Variants in ARID4B observed in about 807,000 individuals in gnomAD.
The protein encoded by ARID4B is AT-rich interaction domain 4B, also known as AT-rich interactive domain-containing protein 4B.
A neutral mutation model predicts 147.5 loss-of-function variants in ARID4B; 26 were observed. The observed-to-expected ratio is 0.18, with a 90% CI of 0.13 to 0.24. ARID4B has a LOEUF of 0.24. Among genes scored for constraint, ARID4B ranks in the 10% least tolerant of loss-of-function variants. The pLI, the probability that ARID4B is intolerant of heterozygous loss-of-function variation, is 1.00. For synonymous variants in ARID4B, 512 were observed against 507.9 expected (o/e 1.01, Z -0.11); for missense variants, 1,179 against 1,511.5 (o/e 0.78, Z 3.65).
At chr1:235,193,047 T>C (rs570482491) in intron 19 of ARID4B, among the ~76,000 whole-genome samples, 78 of 151,896 alleles carry the variant, frequency 5.1e-4, no homozygotes, top group Non-Finnish European at 1.0e-3. Flanking sequence ...TGAGCTGAGA[T>C]TGCGCCACTG....
intron 2 of ARID4B, among the ~76,000 whole-genome samples, chr1:235,309,848 G>A (rs1400947942): frequency 6.6e-6 from 1 of 152,210 alleles, no homozygotes; most frequent in African/African-American, 2.4e-5. Flanking sequence ...CTTCGGCCTT[G>A]GGATCCTGTT....
At position 235,176,437 on chromosome 1, in the gene ARID4B, CAAAAAAAA is replaced by C. The variant is rs34808765; in HGVS notation, c.3449-1046_3449-1039del. Reference sequence around the variant, plus strand: ...CTGATTTTTCACTTAACAACATCACCAAAAAAAAAAAAAAAAAAAAAAAAAAAAAAAGG... The same window carrying C: ...CTGATTTTTCACTTAACAACATCACCAAAAAAAAAAAAAAAAAAAAAAAGG... On this transcript the variant is annotated intron_variant, in intron 21 of 23. Transcript: ENST00000264183. Among the ~76,000 whole-genome samples, 202 of 22,490 alleles carry C rather than the reference CAAAAAAAA, an allele frequency of 9.0e-3. 1 individual carries two copies. The highest frequency in any genetic ancestry group is 0.091 in the Middle Eastern group (2 of 22). 14.8% of individuals were successfully genotyped at this position (22,490 alleles called of 152,430 possible).
intron 2 of ARID4B, among the ~76,000 whole-genome samples, chr1:235,274,190 T>C (rs901140521): frequency 2.0e-5 from 3 of 151,008 alleles, no homozygotes; most frequent in Non-Finnish European, 3.0e-5. Flanking sequence ...CTGGGCAACA[T>C]GGTGAAATAC....
intron 21 of ARID4B, chr1:235,176,626 C>T: frequency 3.9e-6 from 1 of 254,054 alleles, no homozygotes; most frequent in South Asian, 4.5e-5. Context: ...TCTGGAACCC[C>T]TGGCAACTCC....
chr1:235,302,510 G>C (rs887623107), intron 2 of ARID4B, among the ~76,000 whole-genome samples: 2 of 152,016 alleles, frequency 1.3e-5, no homozygotes, highest in African/African-American at 4.8e-5. Context: ...ACAATGTTTT[G>C]GATATGCTGG....
At chr1:235,287,526 T>A (rs915862970) in intron 2 of ARID4B, among the ~76,000 whole-genome samples, 1 of 152,236 alleles carries the variant, frequency 6.6e-6, no homozygotes, top group Non-Finnish European at 1.5e-5. Flanking sequence ...AATCTACTTA[T>A]TTTTATTTTT....
At chr1:235,274,658 A>G (rs1040371738) in intron 2 of ARID4B, among the ~76,000 whole-genome samples, 1 of 152,226 alleles carries the variant, frequency 6.6e-6, no homozygotes, top group Non-Finnish European at 1.5e-5. Flanking sequence ...AAACTAGGCC[A>G]AAGAGAATTT....
chr1:235,322,513 C>G (rs1674912449), intron 2 of ARID4B, among the ~76,000 whole-genome samples: 1 of 152,182 alleles, frequency 6.6e-6, no homozygotes, highest in East Asian at 1.9e-4. Context: ...CTTTGCCTAG[C>G]AAAAGCCTTC....
chr1:235,324,987 A>G (rs1404411799), intron 2 of ARID4B, among the ~76,000 whole-genome samples: 1 of 152,224 alleles, frequency 6.6e-6, no homozygotes, highest in East Asian at 1.9e-4. Flanking sequence ...TACACTCAAC[A>G]TTAAATAGAT....
chr1:235,254,801 T>C (rs1466047799), intron 5 of ARID4B, among the ~76,000 whole-genome samples: 1 of 151,956 alleles, frequency 6.6e-6, no homozygotes, highest in Non-Finnish European at 1.5e-5. Flanking sequence ...CAAATGAAAT[T>C]ATGTTCCTTT....
chr1:235,293,232 A>T (rs1379520515), intron 2 of ARID4B, among the ~76,000 whole-genome samples: 2 of 152,228 alleles, frequency 1.3e-5, no homozygotes, highest in African/African-American at 4.8e-5. Flanking sequence ...CCAAAAAAAT[A>T]TATGCTACTA....
intron 5 of ARID4B, 39 bp downstream of exon 5, chr1:235,255,621 A>T: frequency 7.3e-7 from 1 of 1,362,084 alleles, no homozygotes; most frequent in South Asian, 1.3e-5. Context: ...TCTTTGTGTA[A>T]CTAAAAACAC....
rs754685277 is a variant in ARID4B, at chr1:235,196,047, T to C, written c.1910A>G (p.His637Arg). Residue 637 changes from histidine to arginine, a missense_variant, in exon 18 of 24, where the codon CAT becomes CGT. Physicochemically the swap from His to Arg is conservative, Grantham distance 29 (BLOSUM62 0). Coordinates refer to ENST00000264183, the MANE Select transcript of ARID4B (RefSeq NM_016374.6). ...PADKNVPKIK[H>R]RKKIKNKLDK... The stretch of plus-strand genomic sequence containing the variant: ...AGCACTTACCTTTATTTTCTTCCGA[T>C]GTTTTATCTTTGGCACATTTTTATC... The C allele has an allele frequency of 2.5e-6, 4 of 1,599,668 alleles. No homozygotes were observed. Among genetic ancestry groups the C allele is most frequent in the Admixed American group, 1.7e-5 (1 of 57,494 alleles).
chr1:235,227,626 C>T (rs1475816040), intron 11 of ARID4B, among the ~76,000 whole-genome samples: 1 of 152,080 alleles, frequency 6.6e-6, no homozygotes, highest in Non-Finnish European at 1.5e-5. Flanking sequence ...TTAACTTTTA[C>T]GAGGCTGTTC....
At chr1:235,224,866 C>G (rs1572020904) in intron 11 of ARID4B, 91 bp from the exon 12 acceptor site, 1 of 822,712 alleles carries the variant, frequency 1.2e-6, no homozygotes, top group Middle Eastern at 3.2e-4. Flanking sequence ...GACTAGTGTT[C>G]ATTAAAATAC....
At chr1:235,168,696 T>A (rs1663107536) in intron 23 of ARID4B, 44 bp from the exon 24 acceptor site, 26 of 1,585,426 alleles carry the variant, frequency 1.6e-5, no homozygotes, top group Non-Finnish European at 2.2e-5. Flanking sequence ...TAAAAATTTA[T>A]GTCTAACAAT....
chr1:235,189,259 G>C (rs1303853812), intron 19 of ARID4B, among the ~76,000 whole-genome samples: 1 of 151,870 alleles, frequency 6.6e-6, no homozygotes, highest in African/African-American at 2.4e-5. Flanking sequence ...AATTAGCTGG[G>C]TGCGGTGGCA....
chr1:235,234,262 T>C (rs1572041312), intron 9 of ARID4B, 151 bp downstream of exon 9: 1 of 587,782 alleles, frequency 1.7e-6, no homozygotes, highest in Non-Finnish European at 3.0e-6. Flanking sequence ...TAAGATAATA[T>C]GAAAAACAGT....
rs541635029 is a variant in ARID4B, at chr1:235,197,415, C to G, written c.1842-1300G>C. On this transcript the variant is annotated intron_variant, in intron 17 of 23. Transcript: ENST00000264183. ...ATTATATTCTTACTCTAGCATAGGC[C>G]TGGAAAGTATCTGTAGCAAACTCCT... Among the ~76,000 whole-genome samples, 10 of 152,332 alleles carry G rather than the reference C, an allele frequency of 6.6e-5. No individual in the cohort carries two copies. The East Asian group carries it at 1.9e-3, about 29-fold the overall frequency.
Sources: gnomAD v4.1 joint callset for allele counts (sites outside exome capture counted in the v4.1 genomes callset) on GRCh38, gnomAD v4.1.1 for gene constraint, MANE v1.5 for transcripts, NCBI Gene and HGNC (gene_info 2026-07-23, HGNC 2026-07-21) for gene names.